MRPL1: variants seen among roughly 807,000 people sequenced by gnomAD.
MRPL1 encodes large ribosomal subunit protein uL1m.
Under a neutral mutation model 38.0 loss-of-function variants are expected in MRPL1, and 28 were observed. The observed-to-expected ratio is 0.74, with a 90% CI of 0.55 to 1.01. The LOEUF is 1.01. Ranked by LOEUF, MRPL1 falls within the 50% of genes least tolerant of loss-of-function variation. The pLI is 0.00. For synonymous variants in MRPL1, 123 were observed against 126.7 expected, an observed-to-expected ratio of 0.97 and a Z score of 0.20; for missense variants, 358 against 389.8, an observed-to-expected ratio of 0.92 and a Z score of 0.69.
At chr4:77,909,814 T>C (rs905151015) in intron 7 of MRPL1, among the ~76,000 whole-genome samples, 7 of 152,194 alleles carry the variant, frequency 4.6e-5, no homozygotes, top group Middle Eastern at 3.2e-3. Context: ...TCTGCTAGTG[T>C]TTTTAAAATT....
intron 7 of MRPL1, among the ~76,000 whole-genome samples, chr4:77,921,435 G>C (rs1022508206): frequency 2.6e-5 from 4 of 152,172 alleles, no homozygotes; most frequent in African/African-American, 9.6e-5. Context: ...CATTTGAATA[G>C]AGACTGAATG....
chr4:77,926,178 C>A (rs1175940365), intron 7 of MRPL1, among the ~76,000 whole-genome samples: 1 of 152,182 alleles, frequency 6.6e-6, no homozygotes, highest in East Asian at 1.9e-4. Flanking sequence ...TTTATCCTTA[C>A]TTTATCATGC....
intron 6 of MRPL1, among the ~76,000 whole-genome samples, chr4:77,902,911 A>T (rs1258145898): frequency 6.6e-6 from 1 of 152,206 alleles, no homozygotes; most frequent in Non-Finnish European, 1.5e-5. Context: ...CCACTGGTGA[A>T]TTCTATCCAA....
chr4:77,948,717 G>C (rs1737331797), intron 7 of MRPL1, among the ~76,000 whole-genome samples: 1 of 151,314 alleles, frequency 6.6e-6, no homozygotes, highest in Non-Finnish European at 1.5e-5. Context: ...CTGTTGTACT[G>C]TATAAATTTT....
chr4:77,907,521 T>A (rs1736184200), intron 6 of MRPL1, among the ~76,000 whole-genome samples: 1 of 121,302 alleles, frequency 8.2e-6, no homozygotes, highest in Non-Finnish European at 1.7e-5. Context: ...TCCCCCTTCC[T>A]CCTTCCCTCT....
intron 7 of MRPL1, among the ~76,000 whole-genome samples, chr4:77,938,894 C>A (rs1208185116): frequency 1.3e-5 from 2 of 152,210 alleles, no homozygotes; most frequent in African/African-American, 2.4e-5. Context: ...CAATGAGCTA[C>A]CTCATGGTCC....
At position 77,931,340 on chromosome 4, in the gene MRPL1, G is replaced by C. The variant is rs138288418; in HGVS notation, c.778-18457G>C. Among the ~76,000 whole-genome samples the C allele has an allele frequency of 2.2e-3, 332 of 152,342 alleles. 1 individual carries two copies. The highest frequency in any genetic ancestry group is 3.4e-3 in the Middle Eastern group (1 of 294). ...TTACTATTGGTAAGGGGTTGATCCTGCCTGCTGCTAAGGACATTTGTTGTG... is the reference window on the plus strand; with the variant it reads ...TTACTATTGGTAAGGGGTTGATCCTCCCTGCTGCTAAGGACATTTGTTGTG... On this transcript the variant is annotated intron_variant, in intron 7 of 8. Coordinates refer to ENST00000315567, the MANE Select transcript of MRPL1 (RefSeq NM_020236.4).
Position 77,871,875 on chromosome 4 carries a change from T to A in MRPL1, c.143+20T>A. On this transcript the variant is annotated intron_variant, in intron 2 of 8. Coordinates refer to ENST00000315567, the MANE Select transcript of MRPL1 (RefSeq NM_020236.4). Reference sequence around the variant, plus strand: ...TACAAAGTAAGTATTTTTTTTTAGTTATTATTTCATTTGTTGTCATTTTAA... The same window carrying A: ...TACAAAGTAAGTATTTTTTTTTAGTAATTATTTCATTTGTTGTCATTTTAA... The A allele has an allele frequency of 6.9e-7, 1 of 1,453,590 alleles. No individual in the cohort carries two copies. Among genetic ancestry groups the A allele is most frequent in the South Asian group, 1.2e-5 (1 of 82,372 alleles). 90.0% of individuals were successfully genotyped at this position (1,453,590 alleles called of 1,614,324 possible).
At position 77,883,415 on chromosome 4, in the gene MRPL1, T is replaced by A; in HGVS notation, c.317T>A (p.Leu106His). Residue 106 changes from leucine (L) to histidine (H), a missense_variant, in exon 3 of 9, where the codon CTT (leucine) becomes CAT (histidine). Physicochemically the swap from Leu to His is moderately conservative, Grantham distance 99. Transcript: ENST00000315567. ...IYEVEKAVHL[L>H]KKFQILDFTS... ...GAGGTGGAGAAAGCTGTTCACTTAC[T>A]TAAGAAATTTCAAATTCTTGACTTT... The A allele has an allele frequency of 6.2e-7, 1 of 1,613,982 alleles. No homozygotes were observed.
At chr4:77,920,199 G>T (rs879563140) in intron 7 of MRPL1, among the ~76,000 whole-genome samples, 11 of 152,062 alleles carry the variant, frequency 7.2e-5, no homozygotes, top group Admixed American at 2.6e-4. Context: ...AACATGTTTG[G>T]TCTTCAAAAG....
chr4:77,931,185 T>C (rs1736836245), intron 7 of MRPL1, among the ~76,000 whole-genome samples: 1 of 151,832 alleles, frequency 6.6e-6, no homozygotes, highest in African/African-American at 2.4e-5. Flanking sequence ...GCCTTTGGAG[T>C]TTTTCAAAAG....
At position 77,885,267 on chromosome 4, in the gene MRPL1, G is replaced by A; in HGVS notation, c.414G>A (p.Glu138=). Residue 138 remains glutamate, a synonymous_variant, in exon 4 of 9, where the codon GAG becomes GAA. Transcript: ENST00000315567. ...DMALGKKKNV[E]PFTSVLSLPY... ...TGTCATGTGTTTAGAAAAACGTGGA[G>A]CCATTTACCAGTGTTCTTAGTTTGC... The A allele has an allele frequency of 6.2e-7, 1 of 1,613,244 alleles. No homozygotes were observed.
intron 6 of MRPL1, among the ~76,000 whole-genome samples, chr4:77,901,357 A>T (rs552862318): frequency 1.3e-5 from 2 of 152,282 alleles, no homozygotes; most frequent in Middle Eastern, 6.8e-3. Flanking sequence ...AGAACAAATA[A>T]GATGAAACAA....
intron 7 of MRPL1, among the ~76,000 whole-genome samples, chr4:77,918,948 C>A (rs985440008): frequency 1.3e-5 from 2 of 152,070 alleles, no homozygotes; most frequent in African/African-American, 4.8e-5. Context: ...CTTTTGTCTA[C>A]AAAATTTAAC....
At chr4:77,914,429 T>C (rs1224239687) in intron 7 of MRPL1, among the ~76,000 whole-genome samples, 1 of 152,176 alleles carries the variant, frequency 6.6e-6, no homozygotes, top group Non-Finnish European at 1.5e-5. Flanking sequence ...CATTGAATTT[T>C]ACATCAGAAA....
intron 7 of MRPL1, among the ~76,000 whole-genome samples, chr4:77,917,740 TGTG>T (rs2110252105): frequency 6.6e-6 from 1 of 151,822 alleles, no homozygotes; most frequent in African/African-American, 2.4e-5. Flanking sequence ...TACAGGAAAA[TGTG>T]GTGAGTATAA....
At chr4:77,912,893 C>G (rs1384606642) in intron 7 of MRPL1, among the ~76,000 whole-genome samples, 5 of 152,036 alleles carry the variant, frequency 3.3e-5, no homozygotes, top group Admixed American at 2.6e-4. Flanking sequence ...ACAAAACATG[C>G]ATATATGGAC....
At chr4:77,896,434 T>G (rs1735916161) in intron 6 of MRPL1, among the ~76,000 whole-genome samples, 1 of 152,158 alleles carries the variant, frequency 6.6e-6, no homozygotes, top group Admixed American at 6.5e-5. Context: ...CACCCCAACA[T>G]GATCTATTTA....
At chr4:77,873,018 G>A (rs1735319225) in intron 2 of MRPL1, among the ~76,000 whole-genome samples, 1 of 152,142 alleles carries the variant, frequency 6.6e-6, no homozygotes, top group African/African-American at 2.4e-5. Flanking sequence ...GGGCAACAGA[G>A]GAGACTCTGT....
Sources: gnomAD v4.1 joint callset for allele counts (sites outside exome capture counted in the v4.1 genomes callset) on GRCh38, gnomAD v4.1.1 for gene constraint, MANE v1.5 for transcripts, NCBI Gene and HGNC (gene_info 2026-07-23, HGNC 2026-07-21) for gene names.